Variants in PLCE1 observed in about 807,000 individuals in gnomAD.
The protein encoded by PLCE1 is 1-phosphatidylinositol 4,5-bisphosphate phosphodiesterase epsilon-1.
A neutral mutation model predicts 242.8 loss-of-function variants in PLCE1; 119 were observed. The observed-to-expected ratio is 0.49, with a 90% CI of 0.42 to 0.57. The LOEUF (loss-of-function observed/expected upper bound fraction) is 0.57, where lower values mean the gene tolerates loss of function less well. Among genes scored for constraint, PLCE1 ranks in the 20% least tolerant of loss-of-function variants. The pLI is 0.00. For missense variants in PLCE1, 2,441 were observed against 2,788.8 expected (o/e 0.88, Z 2.81); for synonymous variants, 945 against 1,017.4 (o/e 0.93, Z 1.35).
chr10:94,037,983 G>C (rs1460040887), intron 2 of PLCE1, among the ~76,000 whole-genome samples: 4 of 152,076 alleles, frequency 2.6e-5, no homozygotes, highest in Non-Finnish European at 4.4e-5. Flanking sequence ...CAGCTGGAGA[G>C]GCCCCATCCC....
chr10:94,115,778 T>G (rs2046107276), intron 2 of PLCE1, among the ~76,000 whole-genome samples: 1 of 152,200 alleles, frequency 6.6e-6, no homozygotes, highest in African/African-American at 2.4e-5. Context: ...CCAGTAGCCA[T>G]TCATTCCCCA....
At chr10:94,313,221 GATGA>G (rs771768289) in intron 27 of PLCE1, 29 bp from the exon 28 acceptor site, 499 of 1,612,874 alleles carry the variant, frequency 3.1e-4, no homozygotes, top group Non-Finnish European at 4.0e-4. Flanking sequence ...TGTGATTACG[GATGA>G]ATGATCAGCC....
At chr10:94,251,875 A>G (rs1384019319) in intron 8 of PLCE1, among the ~76,000 whole-genome samples, 1 of 152,198 alleles carries the variant, frequency 6.6e-6, no homozygotes, top group Non-Finnish European at 1.5e-5. Flanking sequence ...CGACTGTCCC[A>G]AGCATCAAAC....
intron 4 of PLCE1, among the ~76,000 whole-genome samples, chr10:94,215,614 G>T (rs1324976508): frequency 6.6e-6 from 1 of 152,172 alleles, no homozygotes; most frequent in Non-Finnish European, 1.5e-5. Context: ...TGGGCTTTGG[G>T]TCCTCCAGGT....
chr10:94,025,008 AT>A (rs544885955), intron 1 of PLCE1, among the ~76,000 whole-genome samples: 3 of 151,656 alleles, frequency 2.0e-5, no homozygotes, highest in African/African-American at 7.3e-5. Flanking sequence ...ACAAGATAGA[AT>A]TTTTTTTCCC....
intron 28 of PLCE1, among the ~76,000 whole-genome samples, chr10:94,315,933 C>A (rs544258451): frequency 2.6e-4 from 39 of 151,760 alleles, no homozygotes; most frequent in African/African-American, 9.2e-4. Flanking sequence ...AAGTATCTTA[C>A]CCAATAATTC....
chr10:94,298,246 A>G lies in PLCE1; in HGVS notation c.5168-133A>G. ...GTTTTAAAGTGGCGAACTAACTCAC[A>G]AGTAAAATCCAAGAGGTATTCTGAT... On this transcript the variant is annotated intron_variant, in intron 23 of 32. Coordinates refer to ENST00000371380, the MANE Select transcript of PLCE1 (RefSeq NM_016341.4). The surrounding 1 kb of genome is among the most constrained non-coding windows in gnomAD (Gnocchi z 5.2). The G allele has an allele frequency of 1.3e-6, 1 of 794,178 alleles. No individual in the cohort carries two copies. Among genetic ancestry groups the G allele is most frequent in the South Asian group, 1.7e-5 (1 of 60,138 alleles). 49.2% of individuals were successfully genotyped at this position (794,178 alleles called of 1,614,324 possible).
At chr10:94,060,479 CTGTT>C (rs2044018008) in intron 2 of PLCE1, among the ~76,000 whole-genome samples, 1 of 152,166 alleles carries the variant, frequency 6.6e-6, no homozygotes, top group South Asian at 2.1e-4. Flanking sequence ...CTGTAAATGT[CTGTT>C]TCTTAGTTTT....
chr10:94,050,169 A>G (rs1040251699), intron 2 of PLCE1, among the ~76,000 whole-genome samples: 1 of 152,132 alleles, frequency 6.6e-6, no homozygotes, highest in Non-Finnish European at 1.5e-5. Flanking sequence ...CTATAAATAT[A>G]CTACTGGAGA....
At chr10:94,266,657 A>C (rs1333412187) in intron 16 of PLCE1, among the ~76,000 whole-genome samples, 1 of 152,138 alleles carries the variant, frequency 6.6e-6, no homozygotes, top group Non-Finnish European at 1.5e-5. Context: ...AGAAGGGTCA[A>C]TTCGGTTGGA....
chr10:94,030,040 AG>A (rs1301403486), intron 1 of PLCE1, among the ~76,000 whole-genome samples: 1 of 152,132 alleles, frequency 6.6e-6, no homozygotes, highest in African/African-American at 2.4e-5. Flanking sequence ...TGCCTGGAAA[AG>A]TTTTTACTTA....
intron 7 of PLCE1, among the ~76,000 whole-genome samples, chr10:94,237,822 C>T (rs1345886117): frequency 2.0e-5 from 3 of 152,164 alleles, no homozygotes; most frequent in African/African-American, 7.2e-5. Context: ...TTGAGAGCCC[C>T]ATGTTTTGTC....
chr10:94,135,680 G>A (rs1054055571), intron 3 of PLCE1, among the ~76,000 whole-genome samples: 2 of 152,102 alleles, frequency 1.3e-5, no homozygotes, highest in African/African-American at 2.4e-5. Context: ...CATTTCCCAC[G>A]AAATAAAGAG....
intron 3 of PLCE1, among the ~76,000 whole-genome samples, chr10:94,147,067 C>G (rs569446037): frequency 3.3e-4 from 50 of 152,246 alleles, no homozygotes; most frequent in African/African-American, 1.2e-3. Context: ...CGCTGTGTCT[C>G]TCTCCCCCAA....
chr10:94,150,535 C>A (rs774645121), intron 3 of PLCE1, among the ~76,000 whole-genome samples: 8 of 152,174 alleles, frequency 5.3e-5, no homozygotes, highest in Non-Finnish European at 1.0e-4. Context: ...ACATAGGATA[C>A]TTTACCTTTG....
intron 2 of PLCE1, among the ~76,000 whole-genome samples, chr10:94,032,961 T>G (rs2061590124): frequency 6.6e-6 from 1 of 152,078 alleles, no homozygotes; most frequent in African/African-American, 2.4e-5. Flanking sequence ...AAAATATTTT[T>G]GTAAGAAACA....
At chr10:94,133,464 T>C (rs2135925964) in intron 3 of PLCE1, among the ~76,000 whole-genome samples, 1 of 152,298 alleles carries the variant, frequency 6.6e-6, no homozygotes, top group Non-Finnish European at 1.5e-5. Flanking sequence ...ACAGGGACCA[T>C]GCAAAGCAGC....
chr10:94,269,041 TC>T lies in PLCE1; in HGVS notation c.4389+7del. On this transcript the variant is annotated splice_donor_region_variant and intron_variant, in intron 17 of 32. Transcript: ENST00000371380. The stretch of plus-strand genomic sequence containing the variant: ...ACAACCAAGATCCCCTTCAAGGTAA[TC>T]CTTCATAACTTTCTTTAAATCAAAT... 2 of 1,410,018 alleles carry T rather than the reference TC, an allele frequency of 1.4e-6. No individual in the cohort carries two copies. The highest frequency in any genetic ancestry group is 2.0e-6 in the Non-Finnish European group (2 of 1,001,436). 87.3% of individuals were successfully genotyped at this position (1,410,018 alleles called of 1,614,324 possible).
intron 4 of PLCE1, among the ~76,000 whole-genome samples, chr10:94,193,311 G>A (rs1371220974): frequency 6.6e-6 from 1 of 152,170 alleles, no homozygotes; most frequent in Non-Finnish European, 1.5e-5. Context: ...AATGGATTAG[G>A]TAATGCCTAT....
Sources: allele counts gnomAD v4.1 joint callset (sites outside exome capture counted in the v4.1 genomes callset), GRCh38; gene constraint gnomAD v4.1.1; non-coding constraint Gnocchi (gnomAD v3.1); transcripts MANE v1.5; gene names NCBI Gene and HGNC (gene_info 2026-07-23, HGNC 2026-07-21).